The following WDR7 variants were observed in gnomAD, a reference collection of about 807,000 sequenced individuals.
The protein encoded by WDR7 is WD repeat-containing protein 7.
A neutral mutation model predicts 169.4 loss-of-function variants in WDR7; 46 were observed. The observed-to-expected ratio is 0.27, with a 90% CI of 0.21 to 0.35. WDR7 has a LOEUF of 0.35. WDR7 is among the 10% of genes least tolerant of loss of function. The pLI is 1.00. For missense variants in WDR7, 1,534 were observed against 1,859.3 expected (o/e 0.83, Z 3.22); for synonymous variants, 612 against 666.8 (o/e 0.92, Z 1.27).
At chr18:56,856,873 T>A (rs951461858) in intron 20 of WDR7, among the ~76,000 whole-genome samples, 1 of 152,126 alleles carries the variant, frequency 6.6e-6, no homozygotes, top group South Asian at 2.1e-4. Context: ...ATTCTAAAAG[T>A]TTTTTATGGT....
At chr18:56,660,749 A>T (rs2024888299) in intron 1 of WDR7, among the ~76,000 whole-genome samples, 1 of 152,182 alleles carries the variant, frequency 6.6e-6, no homozygotes, top group African/African-American at 2.4e-5. Flanking sequence ...CTTTGAGGCC[A>T]GGTAAAGAAG....
intron 12 of WDR7, among the ~76,000 whole-genome samples, chr18:56,697,675 T>C (rs951545790): frequency 6.6e-6 from 1 of 152,224 alleles, no homozygotes; most frequent in African/African-American, 2.4e-5. Context: ...ATAGTAGTTA[T>C]GTCCTATGGT....
intron 25 of WDR7, among the ~76,000 whole-genome samples, chr18:56,948,256 A>T (rs547643555): frequency 6.6e-6 from 1 of 152,186 alleles, no homozygotes; most frequent in Non-Finnish European, 1.5e-5. Context: ...CTAGTAGAGG[A>T]CTCCAACTAG....
chr18:56,790,878 T>C (rs2044474160), intron 19 of WDR7, among the ~76,000 whole-genome samples: 1 of 152,100 alleles, frequency 6.6e-6, no homozygotes, highest in Non-Finnish European at 1.5e-5. Flanking sequence ...TTTTATTTGT[T>C]TGAGCACCTG....
At chr18:56,928,411 G>A (rs1451900086) in intron 22 of WDR7, among the ~76,000 whole-genome samples, 3 of 152,212 alleles carry the variant, frequency 2.0e-5, no homozygotes, top group Non-Finnish European at 2.9e-5. Context: ...GCTGCACTAA[G>A]TGGTGATTGG....
chr18:56,853,287 G>A (rs2045668929), intron 20 of WDR7, among the ~76,000 whole-genome samples: 2 of 151,980 alleles, frequency 1.3e-5, no homozygotes, highest in Admixed American at 1.3e-4. Flanking sequence ...GGAAAATTGT[G>A]CGATTTTGTG....
chr18:56,909,441 ATTG>A (rs1357041905), intron 21 of WDR7, among the ~76,000 whole-genome samples: 1 of 152,078 alleles, frequency 6.6e-6, no homozygotes, highest in Non-Finnish European at 1.5e-5. Flanking sequence ...ATTGTGCACT[ATTG>A]TTCTGTGATA....
chr18:56,790,301 T>G (rs1409303931), intron 19 of WDR7, among the ~76,000 whole-genome samples: 1 of 152,218 alleles, frequency 6.6e-6, no homozygotes, highest in Non-Finnish European at 1.5e-5. Context: ...ACACTGAATA[T>G]GCATATAGAA....
chr18:56,729,025 A>C (rs1186289387), intron 13 of WDR7, among the ~76,000 whole-genome samples: 2 of 152,178 alleles, frequency 1.3e-5, no homozygotes, highest in East Asian at 3.8e-4. Flanking sequence ...GGAAGTATAA[A>C]CTTTAGACAC....
Position 56,759,035 on chromosome 18 carries a change from T to A in WDR7, c.2848+82T>A, listed in dbSNP as rs571937250. Reference sequence around the variant, plus strand: ...AGGCATAGCTAATGTATAATCATAATATTTGTTTGTCTTGGATTGTTAAAA... The same window carrying A: ...AGGCATAGCTAATGTATAATCATAAAATTTGTTTGTCTTGGATTGTTAAAA... On this transcript the variant is annotated intron_variant, in intron 16 of 27. Coordinates refer to ENST00000254442, the MANE Select transcript of WDR7 (RefSeq NM_015285.3). 8.5e-4 allele frequency: 972 copies of A among 1,143,762 alleles called. 2 individuals carry two copies. Among genetic ancestry groups the A allele is most frequent in the Non-Finnish European group, 1.1e-3 (896 of 807,354 alleles). The allele number at this position is 1,143,762 out of a possible 1,614,324, so 70.9% of individuals were successfully genotyped here. A position where few individuals can be genotyped will look rare whatever the true frequency, so the allele number is the denominator to read the frequency against.
intron 14 of WDR7, among the ~76,000 whole-genome samples, chr18:56,756,306 A>AGACT (rs2043886728): frequency 6.6e-6 from 1 of 152,210 alleles, no homozygotes; most frequent in African/African-American, 2.4e-5. Flanking sequence ...GTGAGTAAAG[A>AGACT]GACTCCCTGC....
chr18:56,915,904 T>C (rs2046617497), intron 21 of WDR7, among the ~76,000 whole-genome samples: 1 of 152,220 alleles, frequency 6.6e-6, no homozygotes, highest in Admixed American at 6.5e-5. Context: ...CCCTTTGTCA[T>C]GGAGGAGTTC....
chr18:56,738,975 C>T (rs559393814), intron 14 of WDR7, among the ~76,000 whole-genome samples: 1 of 151,626 alleles, frequency 6.6e-6, no homozygotes, highest in East Asian at 1.9e-4. Context: ...AAAATATTAT[C>T]CACATTTACT....
intron 20 of WDR7, 115 bp downstream of exon 20, chr18:56,816,259 T>G: frequency 1.2e-6 from 1 of 819,452 alleles, no homozygotes; most frequent in Non-Finnish European, 1.9e-6. Context: ...AAACTTGTAC[T>G]GATGGTGTAT....
At chr18:56,702,295 A>G (rs1256118297) in intron 12 of WDR7, among the ~76,000 whole-genome samples, 1 of 152,180 alleles carries the variant, frequency 6.6e-6, no homozygotes, top group Non-Finnish European at 1.5e-5. Flanking sequence ...TTTTAGCTTT[A>G]AAGAGTCTAT....
chr18:56,844,633 A>C (rs970051811), intron 20 of WDR7, among the ~76,000 whole-genome samples: 6 of 152,242 alleles, frequency 3.9e-5, no homozygotes, highest in African/African-American at 1.4e-4. Flanking sequence ...ACCGCTCTGC[A>C]GCCATAGAGA....
intron 22 of WDR7, among the ~76,000 whole-genome samples, chr18:56,932,433 A>G (rs1354941259): frequency 2.6e-5 from 4 of 152,170 alleles, no homozygotes; most frequent in Non-Finnish European, 4.4e-5. Context: ...TATCATTTTT[A>G]TGACTATAGG....
intron 20 of WDR7, among the ~76,000 whole-genome samples, chr18:56,853,931 C>T (rs1007337376): frequency 6.6e-6 from 1 of 151,986 alleles, no homozygotes; most frequent in African/African-American, 2.4e-5. Flanking sequence ...CACAATTTAC[C>T]CAGTAAACAC....
chr18:56,759,007 AG>A, intron 16 of WDR7, 54 bp downstream of exon 16: 1 of 1,417,970 alleles, frequency 7.1e-7, no homozygotes, highest in Non-Finnish European at 9.9e-7. Flanking sequence ...CTAGAAACTG[AG>A]GAGGCATAGC....
Sources: gnomAD v4.1 joint callset for allele counts (sites outside exome capture counted in the v4.1 genomes callset) on GRCh38, gnomAD v4.1.1 for gene constraint, MANE v1.5 for transcripts, NCBI Gene and HGNC (gene_info 2026-07-23, HGNC 2026-07-21) for gene names.